Variants in LRRTM3 observed in about 807,000 individuals in gnomAD.
The protein encoded by LRRTM3 is leucine rich repeat transmembrane neuronal 3, also known as leucine-rich repeat transmembrane neuronal protein 3.
Under a neutral mutation model 44.7 loss-of-function variants are expected in LRRTM3, and 24 were observed. That is an observed-to-expected ratio of 0.54 (90% CI 0.39 to 0.76). The LOEUF (loss-of-function observed/expected upper bound fraction) is 0.76. LRRTM3 is among the 30% of genes least tolerant of loss of function. The probability of loss-of-function intolerance (pLI) is 0.00; values close to 1 mark genes in which losing one functional copy is unlikely to be tolerated. For synonymous variants in LRRTM3, 277 were observed against 278.7 expected (o/e 0.99, Z 0.06); for missense variants, 587 against 702.2 (o/e 0.84, Z 1.85).
At chr10:66,957,443 C>CATAT (rs1266828606) in intron 2 of LRRTM3, among the ~76,000 whole-genome samples, 37 of 22,164 alleles carry the variant, frequency 1.7e-3, no homozygotes, top group Admixed American at 3.9e-3. Context: ...TATATATATG[C>CATAT]ATATATATAT....
chr10:67,007,774 A>T (rs1226302001), intron 2 of LRRTM3, among the ~76,000 whole-genome samples: 2 of 152,030 alleles, frequency 1.3e-5, no homozygotes, highest in African/African-American at 4.8e-5. Flanking sequence ...TTTTTAAAAA[A>T]AAAGTTCAAA....
In LRRTM3 at chr10:67,079,756, G is replaced by A. The variant is rs528679992; in HGVS notation, c.1537-17831G>A. ...CCAGCTGCTCAGGAGGCTGAGGCAG[G>A]AGAATCTCTTGAACCCGGGAGGCGG... On this transcript the variant is annotated intron_variant, in intron 2 of 2. Transcript: ENST00000361320. 6.6e-5 allele frequency among the ~76,000 whole-genome samples: 10 copies of A among 152,102 alleles called. No homozygotes were observed. The South Asian group carries it at 1.9e-3, about 28-fold the overall frequency.
chr10:67,051,746 G>A (rs1052701154), intron 2 of LRRTM3, among the ~76,000 whole-genome samples: 1 of 108,780 alleles, frequency 9.2e-6, no homozygotes, highest in Non-Finnish European at 1.9e-5. Context: ...ACACATTGTA[G>A]TCTATCCTAC....
intron 2 of LRRTM3, among the ~76,000 whole-genome samples, chr10:67,038,831 A>G (rs916025578): frequency 6.6e-6 from 1 of 152,052 alleles, no homozygotes; most frequent in Non-Finnish European, 1.5e-5. Context: ...AAATGCATAA[A>G]ATGAAAACAT....
intron 2 of LRRTM3, among the ~76,000 whole-genome samples, chr10:66,989,881 C>T (rs929668796): frequency 2.6e-5 from 4 of 152,106 alleles, no homozygotes; most frequent in South Asian, 2.1e-4. Flanking sequence ...GATTATTTAG[C>T]GGCAATAGGA....
chr10:67,049,739 A>T (rs984436567), intron 2 of LRRTM3, among the ~76,000 whole-genome samples: 3 of 152,188 alleles, frequency 2.0e-5, no homozygotes, highest in African/African-American at 7.2e-5. Flanking sequence ...GCCTCAGTCT[A>T]TACACAAAAA....
chr10:66,970,958 T>G (rs996667333), intron 2 of LRRTM3, among the ~76,000 whole-genome samples: 20 of 152,226 alleles, frequency 1.3e-4, no homozygotes, highest in Admixed American at 3.3e-4. Flanking sequence ...CTATTAATTG[T>G]GCCAGGATTT....
chr10:66,954,759 C>G (rs1199892326), intron 2 of LRRTM3, among the ~76,000 whole-genome samples: 1 of 152,118 alleles, frequency 6.6e-6, no homozygotes, highest in African/African-American at 2.4e-5. Flanking sequence ...GCGGAATCGA[C>G]TGCTACTTTT....
intron 2 of LRRTM3, among the ~76,000 whole-genome samples, chr10:67,078,635 G>A (rs1856867344): frequency 6.6e-6 from 1 of 151,970 alleles, no homozygotes. Context: ...TCCTGCCTCA[G>A]CCTCCCAAGT....
At chr10:67,072,454 T>C (rs965939585) in intron 2 of LRRTM3, among the ~76,000 whole-genome samples, 1 of 152,218 alleles carries the variant, frequency 6.6e-6, no homozygotes, top group African/African-American at 2.4e-5. Context: ...TTTTATTGTA[T>C]GATAGAAATT....
intron 2 of LRRTM3, among the ~76,000 whole-genome samples, chr10:66,991,522 ATT>A (rs1851036375): frequency 6.6e-6 from 1 of 152,154 alleles, no homozygotes; most frequent in African/African-American, 2.4e-5. Flanking sequence ...CAAATAAAAC[ATT>A]TTGTAGACTC....
At chr10:66,991,587 T>C (rs547003625) in intron 2 of LRRTM3, among the ~76,000 whole-genome samples, 121 of 152,306 alleles carry the variant, frequency 7.9e-4, no homozygotes, top group Non-Finnish European at 1.4e-3. Flanking sequence ...GTTTCGCTCT[T>C]GTTGCCCAGG....
chr10:67,053,536 T>G (rs886693312), intron 2 of LRRTM3, among the ~76,000 whole-genome samples: 6 of 152,168 alleles, frequency 3.9e-5, no homozygotes, highest in Non-Finnish European at 7.3e-5. Context: ...AGAGTTAGCA[T>G]TAAAAATAGT....
At chr10:66,975,827 A>G (rs1449217858) in intron 2 of LRRTM3, among the ~76,000 whole-genome samples, 2 of 152,116 alleles carry the variant, frequency 1.3e-5, no homozygotes, top group Non-Finnish European at 2.9e-5. Context: ...TGGTATTTTA[A>G]ACTCCATTAA....
chr10:67,046,438 C>T (rs2133166828), intron 2 of LRRTM3, among the ~76,000 whole-genome samples: 1 of 152,262 alleles, frequency 6.6e-6, no homozygotes, highest in South Asian at 2.1e-4. Flanking sequence ...ACTTCTAATC[C>T]AGGCTGACCT....
At chr10:66,958,433 G>T (rs1004322542) in intron 2 of LRRTM3, among the ~76,000 whole-genome samples, 3 of 146,156 alleles carry the variant, frequency 2.1e-5, no homozygotes, top group African/African-American at 5.1e-5. Context: ...GTGTACTATA[G>T]TTCTGCCTTT....
chr10:67,038,145 GTTA>G (rs1854179673), intron 2 of LRRTM3, among the ~76,000 whole-genome samples: 1 of 151,996 alleles, frequency 6.6e-6, no homozygotes, highest in Non-Finnish European at 1.5e-5. Context: ...TTCAGAGCAA[GTTA>G]TTATATTTAT....
In LRRTM3 at chr10:66,998,695, T is replaced by C. The variant is rs559191224; in HGVS notation, c.1536+70243T>C. On this transcript the variant is annotated intron_variant, in intron 2 of 2. Transcript: ENST00000361320. The stretch of plus-strand genomic sequence containing the variant: ...CAAACTCATATGTGAGAAATAACAT[T>C]GTCCAGAATATACAAAGTAAAATTG... Among the ~76,000 whole-genome samples, 9 of 152,238 alleles carry C rather than the reference T, an allele frequency of 5.9e-5. No homozygotes were observed. The East Asian group carries it at 1.4e-3, about 23-fold the overall frequency.
chr10:67,017,862 A>T lies in LRRTM3; in HGVS notation c.1537-79725A>T, dbSNP rs768719532. 1.7e-4 allele frequency among the ~76,000 whole-genome samples: 26 copies of T among 151,932 alleles called. 1 individual carries two copies. The highest frequency in any genetic ancestry group is 3.1e-4 in the Non-Finnish European group (21 of 67,952). ...TCGGCTCACTGCAACCTCCGCCTCC[A>T]GGGTTCAAGCGATTCTCCTGCCTCA... On this transcript the variant is annotated intron_variant, in intron 2 of 2. Transcript: ENST00000361320.
Sources: gnomAD v4.1 joint callset for allele counts (sites outside exome capture counted in the v4.1 genomes callset) on GRCh38, gnomAD v4.1.1 for gene constraint, MANE v1.5 for transcripts, NCBI Gene and HGNC (gene_info 2026-07-23, HGNC 2026-07-21) for gene names.